The following PITPNC1 variants were observed in gnomAD, a reference collection of about 807,000 sequenced individuals.
PITPNC1 encodes the protein phosphatidylinositol transfer protein cytoplasmic 1, also known as cytoplasmic phosphatidylinositol transfer protein 1.
In PITPNC1, 18 loss-of-function variants were observed where a neutral mutation model predicts 44.7. That is an observed-to-expected ratio of 0.40 (90% CI 0.28 to 0.60). The LOEUF is 0.60. Among genes scored for constraint, PITPNC1 ranks in the 20% least tolerant of loss-of-function variants. The pLI, the probability that PITPNC1 is intolerant of heterozygous loss-of-function variation, is 0.39. For missense variants in PITPNC1, 290 were observed against 418.4 expected (o/e 0.69, Z 2.68); for synonymous variants, 141 against 149.6 (o/e 0.94, Z 0.42).
chr17:67,466,727 A>G (rs1384999243), intron 1 of PITPNC1, among the ~76,000 whole-genome samples: 2 of 152,100 alleles, frequency 1.3e-5, no homozygotes, highest in Non-Finnish European at 2.9e-5. Context: ...TGTGGTTTGA[A>G]CAGGACCCTC....
At chr17:67,654,713 A>G (rs1446425294) in intron 6 of PITPNC1, among the ~76,000 whole-genome samples, 1 of 151,962 alleles carries the variant, frequency 6.6e-6, no homozygotes, top group African/African-American at 2.4e-5. Flanking sequence ...GCTCACTGCA[A>G]CCTCCACCTC....
At chr17:67,564,342 C>T (rs2040946589) in intron 4 of PITPNC1, among the ~76,000 whole-genome samples, 1 of 152,110 alleles carries the variant, frequency 6.6e-6, no homozygotes, top group Non-Finnish European at 1.5e-5. Context: ...ACCAGGGGAG[C>T]CGCGAGTGTA....
intron 5 of PITPNC1, among the ~76,000 whole-genome samples, chr17:67,607,421 C>T (rs1475503330): frequency 6.6e-6 from 1 of 152,230 alleles, no homozygotes; most frequent in Non-Finnish European, 1.5e-5. Flanking sequence ...TTGACCGCTG[C>T]AGATGGACAG....
chr17:67,427,019 C>G (rs1305327217), intron 1 of PITPNC1, among the ~76,000 whole-genome samples: 1 of 152,054 alleles, frequency 6.6e-6, no homozygotes, highest in Non-Finnish European at 1.5e-5. Flanking sequence ...GTTTTGAGGT[C>G]CCTGTGAGTC....
Position 67,389,495 on chromosome 17 carries a change from G to A in PITPNC1, c.48+11293G>A, listed in dbSNP as rs139621908. On this transcript the variant is annotated intron_variant, in intron 1 of 8. Coordinates refer to ENST00000581322, the MANE Select transcript of PITPNC1 (RefSeq NM_012417.4). ...CTGTGCCGGGTGCTAGGCCTGCAGC[G>A]GCTGACAGGGCAGGTAGATCCCTGC... Among the ~76,000 whole-genome samples the A allele has an allele frequency of 3.9e-4, 60 of 152,304 alleles. 1 individual carries two copies. The East Asian group carries it at 9.1e-3, about 23-fold the overall frequency.
intron 1 of PITPNC1, among the ~76,000 whole-genome samples, chr17:67,426,923 T>C (rs2038775188): frequency 6.6e-6 from 1 of 152,210 alleles, no homozygotes; most frequent in Admixed American, 6.5e-5. Context: ...GATGCTTGAA[T>C]TCCTGTTTAC....
chr17:67,401,701 G>A (rs1598618300), intron 1 of PITPNC1, among the ~76,000 whole-genome samples: 4 of 152,022 alleles, frequency 2.6e-5, no homozygotes, highest in Admixed American at 2.0e-4. Context: ...AAAATTAGCC[G>A]GGCCTGGTGG....
intron 1 of PITPNC1, among the ~76,000 whole-genome samples, chr17:67,401,069 G>A (rs1044122602): frequency 6.6e-6 from 1 of 151,952 alleles, no homozygotes; most frequent in African/African-American, 2.4e-5. Flanking sequence ...CGAGTAGCTG[G>A]GATTACAAGC....
At chr17:67,553,899 G>C (rs1767729737) in intron 4 of PITPNC1, among the ~76,000 whole-genome samples, 2 of 152,158 alleles carry the variant, frequency 1.3e-5, no homozygotes, top group Admixed American at 1.3e-4. Context: ...CTTTGTTGGT[G>C]ATAGTTCACT....
At chr17:67,431,062 C>CTTTTTTTTTTTT (rs6146118) in intron 1 of PITPNC1, among the ~76,000 whole-genome samples, 1 of 133,048 alleles carries the variant, frequency 7.5e-6, no homozygotes, top group Non-Finnish European at 1.6e-5. Context: ...GTTACTGTTT[C>CTTTTTTTTTTTT]TTTTTTTTTT....
chr17:67,416,070 G>T, intron 1 of PITPNC1, among the ~76,000 whole-genome samples: 1 of 152,092 alleles, frequency 6.6e-6, no homozygotes, highest in South Asian at 2.1e-4. Flanking sequence ...AAAATAGCAC[G>T]TGGCGGGTGG....
chr17:67,657,423 G>A (rs2042284188), intron 6 of PITPNC1, among the ~76,000 whole-genome samples: 1 of 152,022 alleles, frequency 6.6e-6, no homozygotes, highest in Non-Finnish European at 1.5e-5. Flanking sequence ...TTGCTTATTT[G>A]GCACTGGGCT....
intron 1 of PITPNC1, among the ~76,000 whole-genome samples, chr17:67,430,364 T>C (rs1169586005): frequency 6.6e-6 from 1 of 151,804 alleles, no homozygotes; most frequent in Non-Finnish European, 1.5e-5. Flanking sequence ...AAAATTAGTC[T>C]ATAATCCCAG....
intron 1 of PITPNC1, among the ~76,000 whole-genome samples, chr17:67,523,806 C>CCTTTTTTTTTTTTTTTTTTTT (rs1281830078): frequency 7.8e-6 from 1 of 127,632 alleles, no homozygotes; most frequent in Non-Finnish European, 1.6e-5. Context: ...ACATGGAAAC[C>CCTTTTTTTTTTTTTTTTTTTT]GTTTTTTTTT....
chr17:67,489,934 G>C (rs2039838605), intron 1 of PITPNC1, among the ~76,000 whole-genome samples: 2 of 152,016 alleles, frequency 1.3e-5, no homozygotes, highest in Non-Finnish European at 2.9e-5. Context: ...AGTAGAGACG[G>C]GGTTTCACCA....
At chr17:67,386,697 CTGAG>C (rs1418316190) in intron 1 of PITPNC1, among the ~76,000 whole-genome samples, 10 of 152,162 alleles carry the variant, frequency 6.6e-5, no homozygotes, top group Admixed American at 6.5e-4. Context: ...CTTTAGCGGC[CTGAG>C]TGAGATCGCA....
chr17:67,442,658 C>T lies in PITPNC1; in HGVS notation c.48+64456C>T, dbSNP rs192881208. 1.2e-3 allele frequency among the ~76,000 whole-genome samples: 177 copies of T among 151,744 alleles called. 2 individuals are homozygous for T. The highest frequency in any genetic ancestry group is 2.6e-3 in the Admixed American group (39 of 15,156). On this transcript the variant is annotated intron_variant, in intron 1 of 8. Transcript: ENST00000581322. ...AGGAGTTTGAGACCAGCCTGGCCAA[C>T]GTGGCAAAACCCTGTCTCTACCAAA...
intron 7 of PITPNC1, among the ~76,000 whole-genome samples, chr17:67,672,530 T>C (rs529094521): frequency 6.6e-6 from 1 of 151,532 alleles, no homozygotes; most frequent in South Asian, 2.1e-4. Flanking sequence ...ACCCAGGAAG[T>C]AGAGGTTGCA....
At chr17:67,458,814 A>T (rs547702157) in intron 1 of PITPNC1, among the ~76,000 whole-genome samples, 1 of 152,302 alleles carries the variant, frequency 6.6e-6, no homozygotes, top group South Asian at 2.1e-4. Flanking sequence ...CAGAACAATT[A>T]GCATTGCTCA....
Sources: gnomAD v4.1 joint callset for allele counts (sites outside exome capture counted in the v4.1 genomes callset) on GRCh38, gnomAD v4.1.1 for gene constraint, MANE v1.5 for transcripts, NCBI Gene and HGNC (gene_info 2026-07-23, HGNC 2026-07-21) for gene names.